CENPT: variants seen among roughly 807,000 people sequenced by gnomAD.
CENPT encodes centromere protein T, also known as interphase centromere complex protein 22.
Under a neutral mutation model 59.7 loss-of-function variants are expected in CENPT, and 42 were observed. The ratio of observed to expected loss-of-function variants is 0.70; its 90% CI spans 0.55 to 0.91. The LOEUF (loss-of-function observed/expected upper bound fraction) is 0.91. Among genes scored for constraint, CENPT ranks in the 40% least tolerant of loss-of-function variants. The probability of loss-of-function intolerance (pLI) is 0.00; values close to 1 mark genes in which losing one functional copy is unlikely to be tolerated. For synonymous variants in CENPT, 295 were observed against 289.6 expected, an observed-to-expected ratio of 1.02 and a Z score of -0.19; for missense variants, 716 against 713.4, an observed-to-expected ratio of 1.00 and a Z score of -0.04.
chr16:67,843,727 C>A lies in CENPT; in HGVS notation c.-492+3674G>T. The A allele has an allele frequency of 2.0e-6, 1 of 505,152 alleles. No individual in the cohort carries two copies. The allele number at this position is 505,152 out of a possible 1,614,324, so 31.3% of individuals were successfully genotyped here. On this transcript the variant is annotated intron_variant, in intron 1 of 15. Coordinates refer to ENST00000562787, the MANE Select transcript of CENPT (RefSeq NM_025082.4). This position sits in a 1 kb window ranked among gnomAD's most constrained non-coding sequence, Gnocchi z 5.7. Reference sequence around the variant, plus strand: ...ACCAGCAATTATGACTTTGTCTACCCTTCCTCCCCAGTTATTGTTGCAGAT... The same window carrying A: ...ACCAGCAATTATGACTTTGTCTACCATTCCTCCCCAGTTATTGTTGCAGAT...
intron 1 of CENPT, among the ~76,000 whole-genome samples, chr16:67,839,434 C>G (rs1054430207): frequency 1.3e-5 from 2 of 151,038 alleles, no homozygotes; most frequent in Admixed American, 6.6e-5. Context: ...GTCGTGCACA[C>G]CTGTAATCCC....
In CENPT at chr16:67,832,093, A is replaced by T. The variant is rs1217286393; in HGVS notation, c.305T>A (p.Ile102Asn). 1 of 1,612,116 alleles carries T rather than the reference A, an allele frequency of 6.2e-7. No homozygotes were observed. The highest frequency in any genetic ancestry group is 8.5e-7 in the Non-Finnish European group (1 of 1,178,592). ...NILLTAPESS[I>N]LMPESVVKPV... The stretch of plus-strand genomic sequence containing the variant: ...CTTCACTACCGACTCAGGCATCAGG[A>T]TGGAAGATTCTGGGGCTGCAGAAAC... The change falls in exon 7 of 16, where the codon ATC becomes AAC. Residue 102 changes from isoleucine to asparagine, a missense_variant. Ile to Asn is a moderately radical substitution (Grantham distance 149, BLOSUM62 -3). Coordinates refer to ENST00000562787, the MANE Select transcript of CENPT (RefSeq NM_025082.4).
At chr16:67,831,116 C>A in intron 10 of CENPT, 100 bp downstream of exon 10, 1 of 1,518,294 alleles carries the variant, frequency 6.6e-7, no homozygotes, top group Non-Finnish European at 9.1e-7. Flanking sequence ...CTGTCCTTGA[C>A]CCCACCGAGA....
chr16:67,837,679 GAC>G (rs2057741376), intron 1 of CENPT, among the ~76,000 whole-genome samples: 1 of 152,130 alleles, frequency 6.6e-6, no homozygotes, highest in Non-Finnish European at 1.5e-5. Context: ...CAGCCTGGGC[GAC>G]AGAGTGAGAC....
chr16:67,840,289 G>A (rs2151288441), intron 1 of CENPT, among the ~76,000 whole-genome samples: 1 of 152,312 alleles, frequency 6.6e-6, no homozygotes, highest in East Asian at 1.9e-4. Flanking sequence ...CTGCCCTCCA[G>A]CCTGGGCAAC....
chr16:67,842,902 A>ACAGCAGCAGCAGCAGCAGCAGCAGCAG lies in CENPT; in HGVS notation c.-492+4498_-492+4499insCTGCTGCTGCTGCTGCTGCTGCTGCTG, dbSNP rs955056927. On this transcript the variant is annotated intron_variant, in intron 1 of 15. Transcript: ENST00000562787. This position sits in a 1 kb window ranked among gnomAD's most constrained non-coding sequence, Gnocchi z 4.9. ...AGCAGCAGCAGCAGCAACAGCAGCA[A>ACAGCAGCAGCAGCAGCAGCAGCAGCAG]CAGCAGCAGCAGCAGCAACAGCAGC... 2 of 1,574,958 alleles carry ACAGCAGCAGCAGCAGCAGCAGCAGCAG rather than the reference A, an allele frequency of 1.3e-6. No individual in the cohort carries two copies. Among genetic ancestry groups the ACAGCAGCAGCAGCAGCAGCAGCAGCAG allele is most frequent in the South Asian group, 1.2e-5 (1 of 84,826 alleles).
Position 67,828,558 on chromosome 16 carries a change from T to A in CENPT, c.1478A>T (p.His493Leu), listed in dbSNP as rs761940448. 3.7e-6 allele frequency: 6 copies of A among 1,614,170 alleles called. No homozygotes were observed. In the East Asian group the frequency reaches 8.9e-5, roughly 24 times the overall value. The change falls in exon 15 of 16, where the codon CAT (histidine) becomes CTT (leucine). Residue 493 changes from histidine to leucine, a missense_variant. His to Leu is a moderately conservative substitution (Grantham distance 99, BLOSUM62 -3). Coordinates refer to ENST00000562787, the MANE Select transcript of CENPT (RefSeq NM_025082.4). ...AAATACCTCCAGATCATCACAAAGA[T>A]GCTGGAAATATTTATCTAGGCTGTC... is the stretch of plus-strand genomic sequence containing the variant. ...VEKCLDKYFQ[H>L]LCDDLEVFAA...
At chr16:67,835,473 G>A (rs1420241178) in intron 2 of CENPT, 65 bp downstream of exon 2, 2 of 152,032 alleles carry the variant, frequency 1.3e-5, no homozygotes, top group Admixed American at 1.3e-4. Context: ...AGACCAGTCT[G>A]GCCAACATGG....
chr16:67,843,128 G>T lies in CENPT; in HGVS notation c.-492+4273C>A. ...AGACGTGAAGCCCATCGATCTCACA[G>T]TGCAAGTGGAGTTTGCAGCCGCAGA... On this transcript the variant is annotated intron_variant, in intron 1 of 15. Transcript: ENST00000562787. This position sits in a 1 kb window ranked among gnomAD's most constrained non-coding sequence, Gnocchi z 5.7. 6.2e-7 allele frequency: 1 copy of T among 1,610,298 alleles called. No homozygotes were observed. Among genetic ancestry groups the T allele is most frequent in the Non-Finnish European group, 8.5e-7 (1 of 1,179,682 alleles).
chr16:67,831,700 C>A, intron 8 of CENPT, 54 bp downstream of exon 8: 4 of 1,600,480 alleles, frequency 2.5e-6, no homozygotes, highest in Non-Finnish European at 3.4e-6. Context: ...GACTCCTCAG[C>A]CTCTCCAGAG....
chr16:67,836,798 C>T (rs1418715202), intron 1 of CENPT, among the ~76,000 whole-genome samples: 1 of 151,804 alleles, frequency 6.6e-6, no homozygotes, highest in Admixed American at 6.6e-5. Flanking sequence ...GTCTTGAACT[C>T]CCGACCTCAG....
In CENPT at chr16:67,843,034, T is replaced by G. The variant is rs1194601506; in HGVS notation, c.-492+4367A>C. The stretch of plus-strand genomic sequence containing the variant: ...CTTCCGCGGCCGTGCTTCTCACCCT[T>G]CAGGCCACTGTAGACAGCAGTCAGG... On this transcript the variant is annotated intron_variant, in intron 1 of 15. Transcript: ENST00000562787. This position sits in a 1 kb window ranked among gnomAD's most constrained non-coding sequence, Gnocchi z 5.7. 6.2e-7 allele frequency: 1 copy of G among 1,612,468 alleles called. No individual in the cohort carries two copies. Among genetic ancestry groups the G allele is most frequent in the Non-Finnish European group, 8.5e-7 (1 of 1,180,028 alleles).
chr16:67,832,311 A>G lies in CENPT; in HGVS notation c.206T>C (p.Val69Ala). ...ARGRSHGARS[V>A]GRSAHIQASG... Reference sequence around the variant, plus strand: ...GGCCTGAATATGGGCCGATCTGCCAACAGACTATCGGCAAAGCACCAAGCA... The same window carrying G: ...GGCCTGAATATGGGCCGATCTGCCAGCAGACTATCGGCAAAGCACCAAGCA... Residue 69 changes from valine (V) to alanine (A), a missense_variant, in exon 6 of 16, where the codon GTT (valine) becomes GCT (alanine). Val to Ala is a moderately conservative substitution (Grantham distance 64). Transcript: ENST00000562787. 1 of 1,614,162 alleles carries G rather than the reference A, an allele frequency of 6.2e-7. No individual in the cohort carries two copies. Among genetic ancestry groups the G allele is most frequent in the South Asian group, 1.1e-5 (1 of 91,080 alleles).
intron 1 of CENPT, among the ~76,000 whole-genome samples, chr16:67,839,523 A>G (rs2057749984): frequency 6.6e-6 from 1 of 152,016 alleles, no homozygotes; most frequent in Non-Finnish European, 1.5e-5. Context: ...TTGCACCACT[A>G]CACGCCAGCC....
rs759128540 is a variant in CENPT, at chr16:67,828,246, GA to G, written c.*20del. ...GCAAGAGTCCCCAGGTGGGGACAGG[GA>G]AAGTGTTGAAGCCTGGCCACTACTG... On this transcript the variant is annotated 3_prime_UTR_variant, in exon 16 of 16. Coordinates refer to ENST00000562787, the MANE Select transcript of CENPT (RefSeq NM_025082.4). 6.4e-7 allele frequency: 1 copy of G among 1,560,614 alleles called. No individual in the cohort carries two copies. Among genetic ancestry groups the G allele is most frequent in the East Asian group, 2.3e-5 (1 of 44,292 alleles).
At chr16:67,834,780 C>A (rs1335507020) in intron 3 of CENPT, among the ~76,000 whole-genome samples, 1 of 152,158 alleles carries the variant, frequency 6.6e-6, no homozygotes, top group Non-Finnish European at 1.5e-5. Context: ...TGAATTCCGG[C>A]TCTCAAAAGT....
rs2057774085 is a variant in CENPT, at chr16:67,842,920, A to AGCAGCAG, written c.-492+4480_-492+4481insCTGCTGC. On this transcript the variant is annotated intron_variant, in intron 1 of 15. Coordinates refer to ENST00000562787, the MANE Select transcript of CENPT (RefSeq NM_025082.4). This position sits in a 1 kb window ranked among gnomAD's most constrained non-coding sequence, Gnocchi z 4.9. ...AGCAGCAACAGCAGCAGCAGCAGCA[A>AGCAGCAG]CAGCAGCAGCAGCAGCAGCAGCAGC... 7 of 1,579,930 alleles carry AGCAGCAG rather than the reference A, an allele frequency of 4.4e-6. No homozygotes were observed. In the African/African-American group the frequency reaches 5.5e-5, roughly 13 times the overall value.
At position 67,831,245 on chromosome 16, in the gene CENPT, T is replaced by C; in HGVS notation, c.674A>G (p.Asp225Gly). The stretch of plus-strand genomic sequence containing the variant: ...AGGAGCCAGGGAAGTATCTCGCAGA[T>C]CCCGCAAAAAGGCACCCACGTCTAC... ...RAVDVGAFLR[D>G]LRDTSLAPPN... The change falls in exon 10 of 16, where the codon GAT becomes GGT. Residue 225 changes from aspartate (D) to glycine (G), a missense_variant. Asp to Gly is a moderately conservative substitution (Grantham distance 94). Coordinates refer to ENST00000562787, the MANE Select transcript of CENPT (RefSeq NM_025082.4). 1 of 1,613,874 alleles carries C rather than the reference T, an allele frequency of 6.2e-7. No individual in the cohort carries two copies. The highest frequency in any genetic ancestry group is 8.5e-7 in the Non-Finnish European group (1 of 1,179,970).
chr16:67,838,323 C>T (rs1288532399), intron 1 of CENPT, among the ~76,000 whole-genome samples: 2 of 152,160 alleles, frequency 1.3e-5, no homozygotes, highest in Non-Finnish European at 2.9e-5. Flanking sequence ...ATCTCTACTG[C>T]ACACGTATTT....
Sources: gnomAD v4.1 joint callset for allele counts (sites outside exome capture counted in the v4.1 genomes callset) on GRCh38, gnomAD v4.1.1 for gene constraint, Gnocchi (gnomAD v3.1) non-coding constraint, MANE v1.5 for transcripts, NCBI Gene and HGNC (gene_info 2026-07-23, HGNC 2026-07-21) for gene names.